CADM2: variants seen among roughly 807,000 people sequenced by gnomAD.
The protein encoded by CADM2 is immunoglobulin superfamily member 4D.
CADM2 carries 12 observed loss-of-function variants against 49.8 expected under a neutral mutation model. The observed-to-expected ratio is 0.24, with a 90% CI of 0.15 to 0.39. The LOEUF is 0.39. Among genes scored for constraint, CADM2 ranks in the 10% least tolerant of loss-of-function variants. The probability of loss-of-function intolerance (pLI) is 1.00; values close to 1 mark genes in which losing one functional copy is unlikely to be tolerated. For synonymous variants in CADM2, 214 were observed against 175.4 expected (o/e 1.22, Z -1.74); for missense variants, 378 against 492.3 (o/e 0.77, Z 2.20).
At chr3:84,985,672 T>C (rs2032510546) in intron 1 of CADM2, among the ~76,000 whole-genome samples, 1 of 152,184 alleles carries the variant, frequency 6.6e-6, no homozygotes, top group African/African-American at 2.4e-5. Context: ...ATTCCAGATG[T>C]ACACGAAATT....
chr3:85,527,253 C>A (rs2061181915), intron 1 of CADM2, among the ~76,000 whole-genome samples: 1 of 151,512 alleles, frequency 6.6e-6, no homozygotes, highest in African/African-American at 2.4e-5. Context: ...GGTGAGGTGG[C>A]ATCATGTCTA....
chr3:85,179,998 T>A (rs1180354774), intron 1 of CADM2, among the ~76,000 whole-genome samples: 1 of 152,094 alleles, frequency 6.6e-6, no homozygotes, highest in African/African-American at 2.4e-5. Context: ...TACAGCAGTC[T>A]ATAAAATATA....
intron 1 of CADM2, among the ~76,000 whole-genome samples, chr3:85,148,333 G>C (rs1438889365): frequency 1.3e-5 from 2 of 152,118 alleles, no homozygotes; most frequent in Non-Finnish European, 2.9e-5. Flanking sequence ...GAGATGAGGG[G>C]CAGCACACTG....
chr3:84,959,396 T>G lies in CADM2; in HGVS notation c.-212T>G. The G allele has an allele frequency of 1.7e-6, 1 of 582,272 alleles. No individual in the cohort carries two copies. 36.1% of individuals were successfully genotyped at this position (582,272 alleles called of 1,614,324 possible). A position where few individuals can be genotyped will look rare whatever the true frequency, so the allele number is the denominator to read the frequency against. The stretch of plus-strand genomic sequence containing the variant: ...CAGCAGGAGGAGGAGGAGAAGAAAC[T>G]ATTTCGCGATACCCCATTCTGCGGG... On this transcript the variant is annotated 5_prime_UTR_variant, in exon 1 of 10. Coordinates refer to ENST00000383699, the MANE Select transcript of CADM2 (RefSeq NM_001167675.2).
intron 1 of CADM2, among the ~76,000 whole-genome samples, chr3:85,468,258 A>C (rs1241893819): frequency 6.7e-6 from 1 of 148,652 alleles, no homozygotes; most frequent in Non-Finnish European, 1.5e-5. Flanking sequence ...CTGTGTCTGC[A>C]TGGGTTTTCT....
At chr3:86,009,795 A>G (rs571295744) in intron 8 of CADM2, among the ~76,000 whole-genome samples, 2 of 151,798 alleles carry the variant, frequency 1.3e-5, no homozygotes, top group South Asian at 2.1e-4. Flanking sequence ...CAAATAATAT[A>G]TATTTTAATT....
intron 6 of CADM2, among the ~76,000 whole-genome samples, chr3:85,928,975 G>A (rs748749358): frequency 3.0e-4 from 46 of 151,824 alleles, no homozygotes; most frequent in African/African-American, 7.5e-4. Context: ...TTTTTTAAAG[G>A]CATTTTAAAA....
At chr3:84,975,572 C>T (rs753665736) in intron 1 of CADM2, among the ~76,000 whole-genome samples, 5 of 151,650 alleles carry the variant, frequency 3.3e-5, no homozygotes, top group Non-Finnish European at 7.4e-5. Context: ...ATTTTGCATA[C>T]CTATCATTTT....
intron 1 of CADM2, among the ~76,000 whole-genome samples, chr3:85,120,662 C>T (rs779983226): frequency 1.3e-5 from 2 of 152,012 alleles, no homozygotes; most frequent in Non-Finnish European, 2.9e-5. Context: ...GAACATCACA[C>T]ACCAGGGCCT....
At chr3:85,719,601 G>C (rs1252982538) in intron 1 of CADM2, among the ~76,000 whole-genome samples, 1 of 152,150 alleles carries the variant, frequency 6.6e-6, no homozygotes, top group Non-Finnish European at 1.5e-5. Context: ...AGTGGAGGTG[G>C]ATCATTATAG....
chr3:85,258,450 A>G (rs2107882148), intron 1 of CADM2, among the ~76,000 whole-genome samples: 1 of 151,790 alleles, frequency 6.6e-6, no homozygotes, highest in South Asian at 2.1e-4. Flanking sequence ...TTCCTTTTCC[A>G]GTGTGCTCTT....
At chr3:85,883,779 C>T (rs1453479755) in intron 4 of CADM2, among the ~76,000 whole-genome samples, 5 of 152,098 alleles carry the variant, frequency 3.3e-5, no homozygotes, top group Admixed American at 1.3e-4. Context: ...GATCCTTTTA[C>T]GACATGACAC....
chr3:85,384,877 T>A (rs900363494), intron 1 of CADM2, among the ~76,000 whole-genome samples: 2 of 152,126 alleles, frequency 1.3e-5, no homozygotes, highest in East Asian at 3.8e-4. Context: ...CAATTGCATA[T>A]AAATATATAA....
chr3:85,830,349 C>T (rs1327517022), intron 3 of CADM2, among the ~76,000 whole-genome samples: 1 of 151,822 alleles, frequency 6.6e-6, no homozygotes, highest in Non-Finnish European at 1.5e-5. Context: ...AGGTCCTTTG[C>T]CCACTGTTTA....
At chr3:85,847,942 CTTAAT>C (rs930030316) in intron 3 of CADM2, among the ~76,000 whole-genome samples, 3 of 152,084 alleles carry the variant, frequency 2.0e-5, no homozygotes, top group African/African-American at 7.2e-5. Flanking sequence ...TCTTATGTTA[CTTAAT>C]TTATTAGTTA....
rs867073427 is a variant in CADM2, at chr3:85,335,031, T to C, written c.61+375363T>C. Reference sequence around the variant, plus strand: ...AAGAAAAACAGTCATATTAAAATATTTCTAGGTTGTGAAGATATACTAAAA... The same window carrying C: ...AAGAAAAACAGTCATATTAAAATATCTCTAGGTTGTGAAGATATACTAAAA... On this transcript the variant is annotated intron_variant, in intron 1 of 9. Transcript: ENST00000383699. 1.7e-4 allele frequency among the ~76,000 whole-genome samples: 25 copies of C among 151,502 alleles called. No individual in the cohort carries two copies. In the South Asian group the frequency reaches 2.3e-3, roughly 14 times the overall value.
chr3:85,426,930 G>A (rs564271511), intron 1 of CADM2, among the ~76,000 whole-genome samples: 47 of 151,684 alleles, frequency 3.1e-4, no homozygotes, highest in Admixed American at 8.6e-4. Flanking sequence ...ACATGGGCTG[G>A]TGTGCAATGG....
intron 1 of CADM2, among the ~76,000 whole-genome samples, chr3:84,997,450 A>G (rs1379311990): frequency 1.3e-5 from 2 of 152,054 alleles, no homozygotes; most frequent in Non-Finnish European, 1.5e-5. Flanking sequence ...TTTGAAAGCC[A>G]GGGTATTTAA....
At chr3:85,671,313 A>C (rs2065727950) in intron 1 of CADM2, among the ~76,000 whole-genome samples, 1 of 152,180 alleles carries the variant, frequency 6.6e-6, no homozygotes. Flanking sequence ...TGTATCCTGG[A>C]ATGGGGGTGG....
Sources: gnomAD v4.1 joint callset for allele counts (sites outside exome capture counted in the v4.1 genomes callset) on GRCh38, gnomAD v4.1.1 for gene constraint, MANE v1.5 for transcripts, NCBI Gene and HGNC (gene_info 2026-07-23, HGNC 2026-07-21) for gene names.